Variants in XKR7 observed in about 807,000 individuals in gnomAD.
The protein encoded by XKR7 is XK-related protein 7.
XKR7 carries 11 observed loss-of-function variants against 42.2 expected under a neutral mutation model. The observed-to-expected ratio is 0.26, with a 90% CI of 0.16 to 0.43. XKR7 has a LOEUF of 0.43. Among genes scored for constraint, XKR7 ranks in the 20% least tolerant of loss-of-function variants. XKR7 has a pLI of 1.00. For synonymous variants in XKR7, 346 were observed against 366.4 expected (o/e 0.94, Z 0.64); for missense variants, 710 against 802.2 (o/e 0.89, Z 1.39).
rs774544446 is a variant in XKR7, at chr20:31,968,544, G to A, written c.369G>A (p.Pro123=). ...VYDYSEPAGS[P]GPAVSTKDSV... ...ACTACTCGGAGCCCGCAGGGTCCCC[G>A]GGACCCGCCGTCAGCACCAAGGACA... Residue 123 remains proline (P), a synonymous_variant, in exon 1 of 3, where the codon CCG becomes CCA. Transcript: ENST00000562532. The surrounding 1 kb of genome is among the most constrained non-coding windows in gnomAD (Gnocchi z 4.5). 2 of 1,607,572 alleles carry A rather than the reference G, an allele frequency of 1.2e-6. No individual in the cohort carries two copies. The highest frequency in any genetic ancestry group is 2.7e-5 in the African/African-American group (2 of 74,820).
At chr20:31,986,210 A>G (rs2122267730) in intron 1 of XKR7, among the ~76,000 whole-genome samples, 1 of 127,838 alleles carries the variant, frequency 7.8e-6, no homozygotes, top group South Asian at 3.1e-4. Context: ...ACCACTAAAC[A>G]GATCCAGTAT....
At position 31,996,781 on chromosome 20, in the gene XKR7, G is replaced by A. The variant is rs1568893705; in HGVS notation, c.1064G>A (p.Trp355Ter). ...QGETDFCMSKWEEIIYNMVVG... is the reference protein window; with the variant it reads ...QGETDFCMSK ...GAGACGGACTTCTGCATGTCCAAGT[G>A]GGAGGAGATCATCTACAACATGGTC... Residue 355 changes from tryptophan to a stop codon, truncating the protein, a stop_gained, in exon 3 of 3, where the codon TGG becomes TAG. Transcript: ENST00000562532. LOFTEE classifies it high-confidence loss of function. 6.2e-7 allele frequency: 1 copy of A among 1,614,038 alleles called. No individual in the cohort carries two copies. Among genetic ancestry groups the A allele is most frequent in the Non-Finnish European group, 8.5e-7 (1 of 1,180,008 alleles).
At position 31,997,111 on chromosome 20, in the gene XKR7, C is replaced by T. The variant is rs756288401; in HGVS notation, c.1394C>T (p.Pro465Leu). ...FRKASEPCGPPADAITSPPRS... is the reference protein window; with the variant it reads ...FRKASEPCGPLADAITSPPRS... ...AAGGCCTCAGAGCCCTGTGGCCCACCCGCTGACGCCATCACGAGTCCCCCC... is the reference window on the plus strand; with the variant it reads ...AAGGCCTCAGAGCCCTGTGGCCCACTCGCTGACGCCATCACGAGTCCCCCC... Residue 465 changes from proline (P) to leucine (L), a missense_variant, in exon 3 of 3, where the codon CCC (proline) becomes CTC (leucine). This residue lies in a region of XKR7 where 708 missense variants were observed against 786.2 expected (regional missense o/e 0.90). Transcript: ENST00000562532. The T allele has an allele frequency of 2.5e-6, 4 of 1,613,030 alleles. No individual in the cohort carries two copies. The Admixed American group carries it at 6.7e-5, about 27-fold the overall frequency.
chr20:31,975,003 C>T (rs550883522), intron 1 of XKR7, among the ~76,000 whole-genome samples: 4 of 152,134 alleles, frequency 2.6e-5, no homozygotes, highest in Non-Finnish European at 4.4e-5. Context: ...TTGGGCCCAG[C>T]GTCCCCTGTT....
At chr20:31,980,604 G>A (rs576689884) in intron 1 of XKR7, among the ~76,000 whole-genome samples, 3 of 152,230 alleles carry the variant, frequency 2.0e-5, no homozygotes, top group Admixed American at 6.5e-5. Context: ...CCCTGTGTCC[G>A]GGCCATCCTT....
intron 1 of XKR7, among the ~76,000 whole-genome samples, chr20:31,990,335 C>T (rs1420017573): frequency 6.6e-6 from 1 of 152,048 alleles, no homozygotes; most frequent in African/African-American, 2.4e-5. Context: ...CCTGCCCCAT[C>T]ACACTCATTT....
intron 1 of XKR7, among the ~76,000 whole-genome samples, chr20:31,980,238 A>C (rs1346798216): frequency 6.6e-6 from 1 of 152,160 alleles, no homozygotes; most frequent in Non-Finnish European, 1.5e-5. Context: ...TGGGAGCCAA[A>C]CGTGTAAAAT....
intron 1 of XKR7, among the ~76,000 whole-genome samples, chr20:31,993,463 A>C (rs942756340): frequency 1.3e-5 from 2 of 152,206 alleles, no homozygotes; most frequent in Admixed American, 1.3e-4. Context: ...GTCTTGCTCA[A>C]GATCACACAG....
At position 31,999,451 on chromosome 20, in the gene XKR7, G is replaced by T; in HGVS notation, c.*1994G>T. The T allele has an allele frequency of 6.6e-6, 1 of 152,320 alleles. No individual in the cohort carries two copies. 9.4% of individuals were successfully genotyped at this position (152,320 alleles called of 1,614,324 possible). A position where few individuals can be genotyped will look rare whatever the true frequency, so the allele number is the denominator to read the frequency against. ...ATCATCCCTCCTGCCAACACAGCAAGAGTGCTTTTCCTTCTTTCTGCTGCT... is the reference window on the plus strand; with the variant it reads ...ATCATCCCTCCTGCCAACACAGCAATAGTGCTTTTCCTTCTTTCTGCTGCT... On this transcript the variant is annotated 3_prime_UTR_variant, in exon 3 of 3. Coordinates refer to ENST00000562532, the MANE Select transcript of XKR7 (RefSeq NM_001011718.2).
Position 31,997,193 on chromosome 20 carries a change from T to A in XKR7, c.1476T>A (p.Arg492=), listed in dbSNP as rs763222568. The A allele has an allele frequency of 1.7e-5, 27 of 1,609,820 alleles. No homozygotes were observed. Among genetic ancestry groups the A allele is most frequent in the Non-Finnish European group, 2.2e-5 (26 of 1,179,886 alleles). The change falls in exon 3 of 3, where the codon CGT becomes CGA. Residue 492 remains arginine (R), a synonymous_variant. Coordinates refer to ENST00000562532, the MANE Select transcript of XKR7 (RefSeq NM_001011718.2). ...GGGATGGGGCCTCGGCGGGAGAGCG[T>A]GCAGGGACCCCCACCCCACCTGTCT... is the stretch of plus-strand genomic sequence containing the variant. ...AERDGASAGE[R]AGTPTPPVFQ...
In XKR7 at chr20:31,968,339, G is replaced by A; in HGVS notation, c.164G>A (p.Arg55Gln). ...GGCCCGGGGCCGCGCTACGAGCTGC[G>A]GGACTGCTGCTGGGTGCTGTGCGCG... ...AGGPGPRYELRDCCWVLCALL... is the reference protein window; with the variant it reads ...AGGPGPRYELQDCCWVLCALL... Residue 55 changes from arginine to glutamine, a missense_variant, in exon 1 of 3, where the codon CGG becomes CAG. By Grantham distance (43) the Arg-to-Gln change is conservative. Around this residue, in one of 2 missense-constraint regions of XKR7, gnomAD observed 708 missense variants for 786.2 expected, o/e 0.90. Transcript: ENST00000562532. The surrounding 1 kb of genome is among the most constrained non-coding windows in gnomAD (Gnocchi z 4.5). 1.9e-6 allele frequency: 3 copies of A among 1,575,242 alleles called. No individual in the cohort carries two copies. The highest frequency in any genetic ancestry group is 1.1e-5 in the South Asian group (1 of 87,418).
At position 31,999,554 on chromosome 20, in the gene XKR7, G is replaced by C. The variant is rs2122288443; in HGVS notation, c.*2097G>C. On this transcript the variant is annotated 3_prime_UTR_variant, in exon 3 of 3. Transcript: ENST00000562532. Reference sequence around the variant, plus strand: ...AGGCTGACCCAGGCCCACTCTGTTGGGTTCATCCATCCTCCAAATCCATCT... The same window carrying C: ...AGGCTGACCCAGGCCCACTCTGTTGCGTTCATCCATCCTCCAAATCCATCT... The C allele has an allele frequency of 1.3e-5, 2 of 152,260 alleles. No individual in the cohort carries two copies. Among genetic ancestry groups the C allele is most frequent in the South Asian group, 4.1e-4 (2 of 4,822 alleles). The allele number at this position is 152,260 out of a possible 1,614,324, so 9.4% of individuals were successfully genotyped here.
chr20:31,981,556 G>T (rs2064513130), intron 1 of XKR7, among the ~76,000 whole-genome samples: 1 of 152,136 alleles, frequency 6.6e-6, no homozygotes, highest in Non-Finnish European at 1.5e-5. Flanking sequence ...GCCAGGTGTG[G>T]TGGCATGTAT....
Position 31,996,490 on chromosome 20 carries a change from G to A in XKR7, c.788-15G>A. On this transcript the variant is annotated splice_polypyrimidine_tract_variant and intron_variant, in intron 2 of 2. Coordinates refer to ENST00000562532, the MANE Select transcript of XKR7 (RefSeq NM_001011718.2). ...CCCTAACCCAGCCCACCCCGCCCCT[G>A]CCCTGTCTCCACAGCCCTCTCCACC... is the stretch of plus-strand genomic sequence containing the variant. 3 of 91,694 alleles carry A rather than the reference G, an allele frequency of 3.3e-5. No individual in the cohort carries two copies. Among genetic ancestry groups the A allele is most frequent in the Non-Finnish European group, 4.7e-5 (3 of 63,252 alleles). The allele number at this position is 91,694 out of a possible 1,614,324, so 5.7% of individuals were successfully genotyped here.
At chr20:31,994,922 C>T in intron 1 of XKR7, 146 bp from the exon 2 acceptor site, 8 of 1,384,160 alleles carry the variant, frequency 5.8e-6, no homozygotes, top group Non-Finnish European at 6.7e-6. Flanking sequence ...TAAGGTGATC[C>T]TTTCGAAATG....
chr20:31,988,896 G>A (rs1468133856), intron 1 of XKR7, among the ~76,000 whole-genome samples: 1 of 152,118 alleles, frequency 6.6e-6, no homozygotes, highest in Non-Finnish European at 1.5e-5. Context: ...TCAGGAGGGA[G>A]ATGCACACAG....
chr20:31,996,208 C>A (rs2064590468), intron 2 of XKR7, among the ~76,000 whole-genome samples: 1 of 151,900 alleles, frequency 6.6e-6, no homozygotes, highest in Non-Finnish European at 1.5e-5. Context: ...ACCAAGACCC[C>A]TGAATCCTAA....
At chr20:31,996,293 G>A (rs1374146146) in intron 2 of XKR7, among the ~76,000 whole-genome samples, 2 of 151,300 alleles carry the variant, frequency 1.3e-5, no homozygotes, top group Non-Finnish European at 2.9e-5. Flanking sequence ...CCCTACAGAA[G>A]TACCCAGTCC....
chr20:31,993,889 G>A (rs776472708), intron 1 of XKR7, among the ~76,000 whole-genome samples: 10 of 152,204 alleles, frequency 6.6e-5, no homozygotes, highest in Non-Finnish European at 1.3e-4. Context: ...GAGTCATCCC[G>A]GGTTGGGGCC....
Sources: gnomAD v4.1 joint callset for allele counts (sites outside exome capture counted in the v4.1 genomes callset) on GRCh38, gnomAD v4.1.1 for gene constraint, gnomAD v4.1.1 regional missense constraint, Gnocchi (gnomAD v3.1) non-coding constraint, MANE v1.5 for transcripts, NCBI Gene and HGNC (gene_info 2026-07-23, HGNC 2026-07-21) for gene names.